The following TRPM6 variants were observed in gnomAD, a reference collection of about 807,000 sequenced individuals.
TRPM6 encodes the protein channel kinase 2.
A neutral mutation model predicts 247.6 loss-of-function variants in TRPM6; 111 were observed. The ratio of observed to expected loss-of-function variants is 0.45; its 90% confidence interval spans 0.38 to 0.52. TRPM6 has a LOEUF of 0.52. Ranked by LOEUF, TRPM6 falls within the 20% of genes least tolerant of loss-of-function variation. The pLI is 0.00. For synonymous variants in TRPM6, 892 were observed against 853.8 expected, an observed-to-expected ratio of 1.04 and a Z score of -0.78; for missense variants, 2,126 against 2,421.5, an observed-to-expected ratio of 0.88 and a Z score of 2.56.
chr9:74,834,873 T>C (rs539543291), intron 5 of TRPM6, among the ~76,000 whole-genome samples: 16 of 152,256 alleles, frequency 1.1e-4, no homozygotes, highest in Non-Finnish European at 2.2e-4. Flanking sequence ...TCTTTGCTAT[T>C]GTGAATAGTG....
chr9:74,833,857 G>A (rs969062767), intron 6 of TRPM6, 141 bp downstream of exon 6: 1 of 1,119,954 alleles, frequency 8.9e-7, no homozygotes, highest in Admixed American at 2.0e-5. Context: ...GACAGGGTGA[G>A]GGAAGCAGCA....
chr9:74,800,539 A>G (rs1163179302), intron 16 of TRPM6, 57 bp from the exon 17 acceptor site: 11 of 1,210,048 alleles, frequency 9.1e-6, no homozygotes, highest in Non-Finnish European at 1.3e-5. Flanking sequence ...CTGCATTATT[A>G]GAAACATTTT....
Position 74,762,537 on chromosome 9 carries a change from G to A in TRPM6, c.4134C>T (p.Asp1378=), listed in dbSNP as rs775307551. The stretch of plus-strand genomic sequence containing the variant: ...GATGAACAAGAACCTCAGTCTGGAT[G>A]TCCTGTTCAGTTGCCAGCACATCTG... ...SVPDVLATEQ[D]IQTEVLVHLT... is the part of the protein sequence containing the mutation. The change falls in exon 26 of 39, where the codon GAC becomes GAT. Residue 1378 remains aspartate, a synonymous_variant. Transcript: ENST00000360774. The A allele has an allele frequency of 6.2e-7, 1 of 1,614,198 alleles. No individual in the cohort carries two copies. The highest frequency in any genetic ancestry group is 1.1e-5 in the South Asian group (1 of 91,086).
intron 36 of TRPM6, among the ~76,000 whole-genome samples, chr9:74,733,473 C>T (rs187384443): frequency 1.3e-5 from 2 of 152,204 alleles, no homozygotes; most frequent in African/African-American, 2.4e-5. Context: ...CATTCATTTA[C>T]CACTTGTATA....
chr9:74,805,568 T>C (rs963098147), intron 14 of TRPM6, among the ~76,000 whole-genome samples: 2 of 152,196 alleles, frequency 1.3e-5, no homozygotes, highest in African/African-American at 4.8e-5. Flanking sequence ...ATGTGACAAA[T>C]ACGTGCTATC....
intron 25 of TRPM6, among the ~76,000 whole-genome samples, chr9:74,766,048 T>C (rs1826815072): frequency 6.6e-6 from 1 of 152,208 alleles, no homozygotes; most frequent in African/African-American, 2.4e-5. Context: ...TTAGAGCCTC[T>C]CCAACCAGTG....
At chr9:74,795,166 C>T (rs948906354) in intron 18 of TRPM6, among the ~76,000 whole-genome samples, 1 of 152,116 alleles carries the variant, frequency 6.6e-6, no homozygotes. Context: ...CTCTCCACGT[C>T]CATTGCTACT....
At chr9:74,767,492 C>T (rs528238043) in intron 25 of TRPM6, among the ~76,000 whole-genome samples, 4 of 152,314 alleles carry the variant, frequency 2.6e-5, no homozygotes, top group African/African-American at 9.6e-5. Context: ...GCAAAATCCT[C>T]TGAATCTTTT....
At chr9:74,852,134 T>G (rs543420902) in intron 3 of TRPM6, among the ~76,000 whole-genome samples, 109 of 152,150 alleles carry the variant, frequency 7.2e-4, no homozygotes, top group Non-Finnish European at 2.1e-4. Flanking sequence ...AGACCTTGCT[T>G]TTAAAAATTA....
intron 23 of TRPM6, among the ~76,000 whole-genome samples, chr9:74,778,154 T>G (rs1827290773): frequency 6.6e-6 from 1 of 152,124 alleles, no homozygotes; most frequent in African/African-American, 2.4e-5. Flanking sequence ...TCAGAGCCTT[T>G]GAAATGGAAA....
intron 15 of TRPM6, among the ~76,000 whole-genome samples, chr9:74,803,117 A>C (rs1828400918): frequency 6.6e-6 from 1 of 152,250 alleles, no homozygotes; most frequent in Non-Finnish European, 1.5e-5. Flanking sequence ...ATTCATGTTC[A>C]TTGATGATGA....
intron 20 of TRPM6, among the ~76,000 whole-genome samples, chr9:74,787,193 G>A (rs1367856111): frequency 6.6e-6 from 1 of 152,100 alleles, no homozygotes; most frequent in African/African-American, 2.4e-5. Flanking sequence ...AAATTAGCTG[G>A]GTGTGGTGGC....
chr9:74,739,795 G>T lies in TRPM6; in HGVS notation c.5415C>A (p.Ser1805=), dbSNP rs150150126. 17 of 1,613,992 alleles carry T rather than the reference G, an allele frequency of 1.1e-5. No homozygotes were observed. In the African/African-American group the frequency reaches 2.1e-4, roughly 20 times the overall value. Residue 1805 remains serine, a synonymous_variant, in exon 34 of 39, where the codon TCC becomes TCA. Transcript: ENST00000360774. ...LKPGQVFIVK[S]FLPEVVRTWH... is the part of the protein sequence containing the mutation. ...ATGTCCGCACAACCTCAGGAAGAAA[G>T]GACTTGACAATGAAAACTTGTCCCG...
chr9:74,753,201 T>A (rs12551900), intron 28 of TRPM6, among the ~76,000 whole-genome samples: 23 of 151,798 alleles, frequency 1.5e-4, no homozygotes, highest in Non-Finnish European at 2.6e-4. Flanking sequence ...GGTTCATTAC[T>A]GTTATTCTTT....
At chr9:74,754,039 A>G (rs774910843) in intron 28 of TRPM6, among the ~76,000 whole-genome samples, 32 of 151,266 alleles carry the variant, frequency 2.1e-4, no homozygotes, top group African/African-American at 4.8e-4. Context: ...CATCCTAAAC[A>G]TAAATTATAC....
At chr9:74,813,244 A>C (rs1828798723) in intron 11 of TRPM6, among the ~76,000 whole-genome samples, 1 of 152,242 alleles carries the variant, frequency 6.6e-6, no homozygotes, top group Non-Finnish European at 1.5e-5. Flanking sequence ...TACAAGGACA[A>C]GGAGGACAAG....
chr9:74,869,161 GT>G (rs1830946999), intron 1 of TRPM6, among the ~76,000 whole-genome samples: 1 of 152,150 alleles, frequency 6.6e-6, no homozygotes, highest in Non-Finnish European at 1.5e-5. Flanking sequence ...GGTAGTTAGT[GT>G]AAGATTCTCT....
chr9:74,868,481 C>T (rs189312081), intron 1 of TRPM6, among the ~76,000 whole-genome samples: 332 of 151,886 alleles, frequency 2.2e-3, no homozygotes, highest in African/African-American at 7.7e-3. Context: ...GTCGACAGAG[C>T]GAGACTCCAT....
At chr9:74,846,752 T>TGAAAGCC (rs1830122291) in intron 3 of TRPM6, among the ~76,000 whole-genome samples, 2 of 152,224 alleles carry the variant, frequency 1.3e-5, no homozygotes, top group Non-Finnish European at 2.9e-5. Context: ...TTTCACCATG[T>TGAAAGCC]TGCCCAGGCT....
Sources: gnomAD v4.1 joint callset for allele counts (sites outside exome capture counted in the v4.1 genomes callset) on GRCh38, gnomAD v4.1.1 for gene constraint, MANE v1.5 for transcripts, NCBI Gene and HGNC (gene_info 2026-07-23, HGNC 2026-07-21) for gene names.